LRP1B: variants seen among roughly 807,000 people sequenced by gnomAD.
LRP1B encodes the protein LDL receptor related protein 1B, also known as low-density lipoprotein receptor-related protein 1B.
LRP1B carries 217 observed loss-of-function variants against 556.6 expected under a neutral mutation model. The ratio of observed to expected loss-of-function variants is 0.39; its 90% confidence interval spans 0.35 to 0.44. The LOEUF (loss-of-function observed/expected upper bound fraction) is 0.44, where lower values mean the gene tolerates loss of function less well. Among genes scored for constraint, LRP1B ranks in the 20% least tolerant of loss-of-function variants. The pLI, the probability that LRP1B is intolerant of heterozygous loss-of-function variation, is 1.00. For missense variants in LRP1B, 5,053 were observed against 5,620.8 expected (o/e 0.90, Z 3.23); for synonymous variants, 2,047 against 1,865.8 (o/e 1.10, Z -2.50).
chr2:141,137,438 A>T (rs1701518280), intron 7 of LRP1B, among the ~76,000 whole-genome samples: 1 of 151,886 alleles, frequency 6.6e-6, no homozygotes, highest in African/African-American at 2.4e-5. Context: ...TGCAGGCGAG[A>T]TGTAAAGGTT....
At chr2:140,242,205 T>TG in intron 87 of LRP1B, among the ~76,000 whole-genome samples, 1 of 151,276 alleles carries the variant, frequency 6.6e-6, no homozygotes, top group East Asian at 2.0e-4. Flanking sequence ...TCATCTATAA[T>TG]ATGGGTATCA....
At chr2:140,625,938 C>T (rs1401164183) in intron 41 of LRP1B, among the ~76,000 whole-genome samples, 1 of 152,156 alleles carries the variant, frequency 6.6e-6, no homozygotes, top group Non-Finnish European at 1.5e-5. Flanking sequence ...TTTATGGCAG[C>T]TTTATTCGCA....
intron 17 of LRP1B, among the ~76,000 whole-genome samples, chr2:140,988,055 T>C (rs74321429): frequency 1.8e-4 from 28 of 152,218 alleles, no homozygotes; most frequent in African/African-American, 6.7e-4. Flanking sequence ...CAAGAGCAAC[T>C]TGAGCTAAGT....
At chr2:141,079,896 A>G (rs1699883143) in intron 7 of LRP1B, among the ~76,000 whole-genome samples, 1 of 152,208 alleles carries the variant, frequency 6.6e-6, no homozygotes, top group Admixed American at 6.5e-5. Flanking sequence ...AGCAAGGACT[A>G]TAATCTTTGT....
chr2:141,559,468 T>C (rs1439342804), intron 2 of LRP1B, among the ~76,000 whole-genome samples: 1 of 151,790 alleles, frequency 6.6e-6, no homozygotes, highest in Non-Finnish European at 1.5e-5. Context: ...TTATGTCTGT[T>C]CTTGTTATCA....
At chr2:141,969,986 C>T (rs1357256906) in intron 1 of LRP1B, among the ~76,000 whole-genome samples, 3 of 151,362 alleles carry the variant, frequency 2.0e-5, no homozygotes, top group Non-Finnish European at 4.4e-5. Context: ...CATGTGTGAG[C>T]TGATATCTCA....
chr2:140,716,841 A>G (rs1559073342), intron 35 of LRP1B, 25 bp from the exon 36 acceptor site: 2 of 1,456,324 alleles, frequency 1.4e-6, no homozygotes, highest in Non-Finnish European at 1.9e-6. Flanking sequence ...CAGAAAAAAA[A>G]TACATATACA....
At chr2:141,333,790 C>T (rs146558603) in intron 3 of LRP1B, among the ~76,000 whole-genome samples, 2 of 152,152 alleles carry the variant, frequency 1.3e-5, no homozygotes, top group Admixed American at 1.3e-4. Flanking sequence ...GAGGTTTTGT[C>T]TTGTGTTTTA....
chr2:141,792,702 G>T (rs186203534), intron 2 of LRP1B, among the ~76,000 whole-genome samples: 1 of 151,984 alleles, frequency 6.6e-6, no homozygotes, highest in East Asian at 1.9e-4. Flanking sequence ...TTTCTATGAG[G>T]TCCATCCTAT....
intron 60 of LRP1B, among the ~76,000 whole-genome samples, chr2:140,460,418 A>G (rs1687269553): frequency 6.6e-6 from 1 of 152,236 alleles, no homozygotes; most frequent in African/African-American, 2.4e-5. Flanking sequence ...TATGAAAGAA[A>G]CATTTAACAA....
rs1559087217 is a variant in LRP1B, at chr2:141,467,844, G to GA, written c.343+12551_343+12552insT. The stretch of plus-strand genomic sequence containing the variant: ...TTGTTTGTTTGTTTGCGGACCGGGG[G>GA]GGGGGGAATTCCAGCATACAGTGTA... On this transcript the variant is annotated intron_variant, in intron 3 of 90. Coordinates refer to ENST00000389484, the MANE Select transcript of LRP1B (RefSeq NM_018557.3). Among the ~76,000 whole-genome samples, 14 of 137,904 alleles carry GA rather than the reference G, an allele frequency of 1.0e-4. 2 individuals are homozygous for GA. The highest frequency in any genetic ancestry group is 3.7e-4 in the Admixed American group (5 of 13,618). 90.5% of individuals were successfully genotyped at this position (137,904 alleles called of 152,430 possible).
At chr2:141,246,894 G>A (rs1684088193) in intron 5 of LRP1B, among the ~76,000 whole-genome samples, 1 of 152,142 alleles carries the variant, frequency 6.6e-6, no homozygotes, top group Non-Finnish European at 1.5e-5. Flanking sequence ...GAACCTGGGA[G>A]GCAGAGGTTG....
rs200501848 is a variant in LRP1B at position 140,861,938 on chromosome 2, G to GC, written c.4579+5651dup. On this transcript the variant is annotated intron_variant, in intron 27 of 90. Transcript: ENST00000389484. The stretch of plus-strand genomic sequence containing the variant: ...TCTTTTTGTCCTGAAATCTGTTGGT[G>GC]CCCTTTTTCTGAGCATTCTTCTTTG... 4.1e-3 allele frequency among the ~76,000 whole-genome samples: 630 copies of GC among 152,274 alleles called. 7 individuals carry two copies. Among genetic ancestry groups the GC allele is most frequent in the African/African-American group, 0.014 (578 of 41,554 alleles).
rs938143786 is a variant in LRP1B, at chr2:141,415,371, A to G, written c.343+65025T>C. ...CACATGCCCCTTATTTTTCACCAAA[A>G]ATGACTTTTCTATCATCTGTGTTCC... is the stretch of plus-strand genomic sequence containing the variant. On this transcript the variant is annotated intron_variant, in intron 3 of 90. Transcript: ENST00000389484. 2.0e-5 allele frequency among the ~76,000 whole-genome samples: 3 copies of G among 152,118 alleles called. No homozygotes were observed. In the East Asian group the frequency reaches 5.8e-4, roughly 29 times the overall value.
intron 66 of LRP1B, among the ~76,000 whole-genome samples, chr2:140,388,675 G>A (rs140181361): frequency 8.3e-4 from 127 of 152,190 alleles, no homozygotes; most frequent in African/African-American, 2.6e-3. Context: ...AAATACAAAC[G>A]ACATAGCATT....
chr2:140,677,250 A>G (rs949995763), intron 41 of LRP1B, among the ~76,000 whole-genome samples: 5 of 152,224 alleles, frequency 3.3e-5, no homozygotes, highest in Admixed American at 1.3e-4. Flanking sequence ...TATCAGAGCA[A>G]TGAGGGAACT....
chr2:140,730,928 G>A (rs1687756413), intron 35 of LRP1B, among the ~76,000 whole-genome samples: 3 of 152,102 alleles, frequency 2.0e-5, no homozygotes, highest in African/African-American at 7.2e-5. Context: ...CAGACCATAA[G>A]CGCTTTTCTG....
chr2:141,519,151 A>C (rs1393273129), intron 2 of LRP1B, among the ~76,000 whole-genome samples: 1 of 151,860 alleles, frequency 6.6e-6, no homozygotes, highest in Admixed American at 6.6e-5. Context: ...TGCTGTCAAG[A>C]CTATTTCTTT....
chr2:140,758,493 T>C (rs1688812341), intron 35 of LRP1B, among the ~76,000 whole-genome samples: 1 of 152,044 alleles, frequency 6.6e-6, no homozygotes, highest in Non-Finnish European at 1.5e-5. Flanking sequence ...AATAAAAGTA[T>C]TTAACCATGG....
Sources: gnomAD v4.1 joint callset for allele counts (sites outside exome capture counted in the v4.1 genomes callset) on GRCh38, gnomAD v4.1.1 for gene constraint, MANE v1.5 for transcripts, NCBI Gene and HGNC (gene_info 2026-07-23, HGNC 2026-07-21) for gene names.